Variants in TERF1 observed in about 807,000 individuals in gnomAD.
TERF1 encodes telomeric repeat-binding factor 1.
In TERF1, 20 loss-of-function variants were observed where a neutral mutation model predicts 55.1. The observed-to-expected ratio is 0.36, with a 90% confidence interval of 0.26 to 0.53. The LOEUF (loss-of-function observed/expected upper bound fraction) is 0.53, where lower values mean the gene tolerates loss of function less well. TERF1 is among the 20% of genes least tolerant of loss of function. The pLI, the probability that TERF1 is intolerant of heterozygous loss-of-function variation, is 0.91. For missense variants in TERF1, 439 were observed against 535.7 expected (o/e 0.82, Z 1.78); for synonymous variants, 168 against 181.2 (o/e 0.93, Z 0.59).
chr8:73,031,740 G>A (rs535291176), intron 7 of TERF1: 79 of 198,094 alleles, frequency 4.0e-4, no homozygotes, highest in African/African-American at 1.7e-3. Flanking sequence ...TTTTTTCCTT[G>A]ATGTATCTAA....
intron 8 of TERF1, among the ~76,000 whole-genome samples, chr8:73,036,212 C>T (rs910157333): frequency 6.6e-6 from 1 of 152,234 alleles, no homozygotes; most frequent in South Asian, 2.1e-4. Flanking sequence ...CCAGTACCCT[C>T]TCCCAGGAGA....
chr8:73,037,673 TTA>T lies in TERF1; in HGVS notation c.1040-1436_1040-1435del, dbSNP rs1389619749. On this transcript the variant is annotated intron_variant, in intron 8 of 9. Transcript: ENST00000276603. ...ATATTATATGTATAATAATATTATA[TTA>T]TATATAATATATATTATATAGTATA... is the stretch of plus-strand genomic sequence containing the variant. 4.0e-5 allele frequency among the ~76,000 whole-genome samples: 3 copies of T among 74,768 alleles called. 1 individual carries two copies. Among genetic ancestry groups the T allele is most frequent in the South Asian group, 6.6e-4 (2 of 3,044 alleles). The allele number at this position is 74,768 out of a possible 152,430, so 49.1% of individuals were successfully genotyped here.
chr8:73,045,993 A>G lies in TERF1; in HGVS notation c.1176A>G (p.Arg392=), dbSNP rs1209830444. The change falls in exon 10 of 10, where the codon AGA becomes AGG. Residue 392 remains arginine, a synonymous_variant. Coordinates refer to ENST00000276603, the MANE Select transcript of TERF1 (RefSeq NM_017489.3). ...AWLWEEDKNL[R]SGVRKYGEGN... ...TTTGGGAAGAAGACAAGAATTTGAG[A>G]TCTGGCGTGAGGAAATATGGAGAGG... The G allele has an allele frequency of 6.3e-7, 1 of 1,597,242 alleles. No homozygotes were observed. The highest frequency in any genetic ancestry group is 1.1e-5 in the South Asian group (1 of 87,674).
At position 73,009,166 on chromosome 8, in the gene TERF1, C is replaced by A. The variant is rs1374854675; in HGVS notation, c.280C>A (p.Arg94Ser). 6.2e-7 allele frequency: 1 copy of A among 1,611,076 alleles called. No homozygotes were observed. The highest frequency in any genetic ancestry group is 1.1e-5 in the South Asian group (1 of 90,998). ...LSLCRAFRDG[R>S]SEDFRRTRNS... ...TCTTTGCCGAGCTTTCCGCGACGGC[C>A]GCTCCGAGGACTTCCGCAGGACCCG... The change falls in exon 1 of 10, where the codon CGC (arginine) becomes AGC (serine). Residue 94 changes from arginine (R) to serine (S), a missense_variant. Arg to Ser is a moderately radical substitution (Grantham distance 110, BLOSUM62 -1). Transcript: ENST00000276603.
At chr8:73,024,693 A>AG in intron 4 of TERF1, 129 bp from the exon 5 acceptor site, 1 of 698,564 alleles carries the variant, frequency 1.4e-6, no homozygotes, top group Non-Finnish European at 2.2e-6. Flanking sequence ...TTAAAACTTA[A>AG]TTTTAAAAAT....
intron 1 of TERF1, 32 bp downstream of exon 1, chr8:73,009,237 C>G: frequency 6.3e-7 from 1 of 1,582,238 alleles, no homozygotes; most frequent in Non-Finnish European, 8.6e-7. Flanking sequence ...GCCGGGACTA[C>G]GCGGGGGGCG....
At chr8:73,042,352 A>G (rs1809868700) in intron 9 of TERF1, among the ~76,000 whole-genome samples, 1 of 152,168 alleles carries the variant, frequency 6.6e-6, no homozygotes, top group Non-Finnish European at 1.5e-5. Context: ...AATTCTGTGG[A>G]TATCACAAGG....
At chr8:73,044,517 AT>A (rs200024977) in intron 9 of TERF1, among the ~76,000 whole-genome samples, 9 of 151,672 alleles carry the variant, frequency 5.9e-5, no homozygotes, top group East Asian at 3.9e-4. Context: ...ATTGAACTGG[AT>A]TTTTTTTTCT....
chr8:73,016,164 C>T (rs2129738796), intron 2 of TERF1, among the ~76,000 whole-genome samples: 2 of 152,254 alleles, frequency 1.3e-5, no homozygotes, highest in Admixed American at 1.3e-4. Context: ...TGGAGTAAGT[C>T]TTTGAAATCT....
At position 73,022,885 on chromosome 8, in the gene TERF1, C is replaced by T. The variant is rs56038526; in HGVS notation, c.624+583C>T. On this transcript the variant is annotated intron_variant, in intron 4 of 9. Transcript: ENST00000276603. ...AAGTCAAGGCTGCAGTGAGCTATAA[C>T]GCTGCCACTGCGCTCCAGCCTAAGC... 6.9e-3 allele frequency among the ~76,000 whole-genome samples: 1,054 copies of T among 152,184 alleles called. 8 individuals carry two copies. The highest frequency in any genetic ancestry group is 0.023 in the African/African-American group (968 of 41,532).
chr8:73,025,399 C>T (rs1808938298), intron 5 of TERF1, among the ~76,000 whole-genome samples: 1 of 150,012 alleles, frequency 6.7e-6, no homozygotes, highest in South Asian at 2.1e-4. Context: ...GGCCAAGTTT[C>T]AGGAGTTCGA....
intron 9 of TERF1, among the ~76,000 whole-genome samples, chr8:73,039,519 C>T (rs1038673499): frequency 1.3e-5 from 2 of 152,072 alleles, no homozygotes; most frequent in South Asian, 4.1e-4. Flanking sequence ...ACATTATAAG[C>T]TTTGATGTTT....
At chr8:73,013,807 T>A in intron 1 of TERF1, 88 bp from the exon 2 acceptor site, 1 of 702,680 alleles carries the variant, frequency 1.4e-6, no homozygotes, top group Non-Finnish European at 2.5e-6. Flanking sequence ...TTTTACAATA[T>A]GTTTGTAGCC....
At chr8:73,025,454 T>TA (rs2129797341) in intron 5 of TERF1, among the ~76,000 whole-genome samples, 1 of 148,648 alleles carries the variant, frequency 6.7e-6, no homozygotes, top group South Asian at 2.2e-4. Flanking sequence ...TACAAAAAAA[T>TA]ACAAAAAAAT....
In TERF1 at chr8:73,024,765, CGTT is replaced by C. The variant is rs1237287406; in HGVS notation, c.625-54_625-52del. The C allele has an allele frequency of 8.8e-5, 106 of 1,209,656 alleles. No homozygotes were observed. In the African/African-American group the frequency reaches 1.2e-3, roughly 14 times the overall value. 74.9% of individuals were successfully genotyped at this position (1,209,656 alleles called of 1,614,324 possible). ...CAATTAAATAATATGTGACAAAAAT[CGTT>C]GTATCTGTAACTTTGTGTGATTTAT... On this transcript the variant is annotated intron_variant, in intron 4 of 9. Coordinates refer to ENST00000276603, the MANE Select transcript of TERF1 (RefSeq NM_017489.3).
intron 4 of TERF1, 22 bp downstream of exon 4, chr8:73,022,324 A>T (rs772278457): frequency 6.8e-7 from 1 of 1,461,344 alleles, no homozygotes; most frequent in Non-Finnish European, 9.3e-7. Flanking sequence ...AATTAAAACC[A>T]TAGAATTTTA....
intron 8 of TERF1, among the ~76,000 whole-genome samples, chr8:73,033,604 C>T (rs569869926): frequency 6.6e-6 from 1 of 152,192 alleles, no homozygotes; most frequent in African/African-American, 2.4e-5. Context: ...CATGGTGGTG[C>T]CTGCCTGTAA....
Position 73,046,223 on chromosome 8 carries a change from A to G in TERF1, c.*86A>G. On this transcript the variant is annotated 3_prime_UTR_variant, in exon 10 of 10. Coordinates refer to ENST00000276603, the MANE Select transcript of TERF1 (RefSeq NM_017489.3). Reference sequence around the variant, plus strand: ...GAAACTTGTGTCATTGATGTAATTTAAAACTTTTGTTTAAAGCATTACAGT... The same window carrying G: ...GAAACTTGTGTCATTGATGTAATTTGAAACTTTTGTTTAAAGCATTACAGT... The G allele has an allele frequency of 1.6e-6, 2 of 1,247,256 alleles. No homozygotes were observed. Among genetic ancestry groups the G allele is most frequent in the South Asian group, 3.6e-5 (2 of 54,888 alleles). 77.3% of individuals were successfully genotyped at this position (1,247,256 alleles called of 1,614,324 possible).
intron 8 of TERF1, among the ~76,000 whole-genome samples, chr8:73,037,846 TATATA>T (rs1809654954): frequency 1.0e-5 from 1 of 97,460 alleles, no homozygotes; most frequent in African/African-American, 3.8e-5. Context: ...ATATATATAA[TATATA>T]ATATATAAAT....
Sources: gnomAD v4.1 joint callset for allele counts (sites outside exome capture counted in the v4.1 genomes callset) on GRCh38, gnomAD v4.1.1 for gene constraint, MANE v1.5 for transcripts, NCBI Gene and HGNC (gene_info 2026-07-23, HGNC 2026-07-21) for gene names.